FRK: variants seen among roughly 807,000 people sequenced by gnomAD.
FRK encodes tyrosine-protein kinase FRK.
In FRK, 51 loss-of-function variants were observed where a neutral mutation model predicts 56.4. That is an observed-to-expected ratio of 0.90 (90% confidence interval 0.72 to 1.14). The LOEUF is 1.14. Ranked by LOEUF, FRK falls within the 50% of genes most tolerant of loss-of-function variation. The pLI, the probability that FRK is intolerant of heterozygous loss-of-function variation, is 0.00. For synonymous variants in FRK, 245 were observed against 217.9 expected (o/e 1.12, Z -1.10); for missense variants, 570 against 601.4 (o/e 0.95, Z 0.55).
At chr6:115,965,192 C>T (rs1432014461) in intron 4 of FRK, among the ~76,000 whole-genome samples, 1 of 143,652 alleles carries the variant, frequency 7.0e-6, no homozygotes, top group Non-Finnish European at 1.5e-5. Context: ...TGAACTCAAA[C>T]AAATTTACAA....
At position 115,971,709 on chromosome 6, in the gene FRK, T is replaced by G. The variant is rs566460568; in HGVS notation, c.467-2970A>C. 6.6e-5 allele frequency among the ~76,000 whole-genome samples: 10 copies of G among 152,236 alleles called. No homozygotes were observed. The South Asian group carries it at 1.9e-3, about 28-fold the overall frequency. On this transcript the variant is annotated intron_variant, in intron 2 of 7. Transcript: ENST00000606080. The stretch of plus-strand genomic sequence containing the variant: ...TCTCAATTCAAGCCTAGATGCCCAG[T>G]CCCAGATGATAACCAAAACACTCTA...
At chr6:116,092,902 C>A in the FRK span, among the ~76,000 whole-genome samples, 32 of 152,140 alleles carry the variant, frequency 2.1e-4, no homozygotes, top group African/African-American at 7.5e-4. Context: ...GACCCACAAA[C>A]CCTGAAAAAG....
At position 115,993,923 on chromosome 6, in the gene FRK, G is replaced by A. The variant is rs191493314; in HGVS notation, c.466+9954C>T. ...AATTTCATAGAATTTGTGCTTTCTT[G>A]TATTCTGAGATTTCAAATCAAATGA... On this transcript the variant is annotated intron_variant, in intron 2 of 7. Transcript: ENST00000606080. 1.2e-4 allele frequency among the ~76,000 whole-genome samples: 18 copies of A among 151,884 alleles called. No individual in the cohort carries two copies. The East Asian group carries it at 3.3e-3, about 28-fold the overall frequency.
intron 4 of FRK, among the ~76,000 whole-genome samples, chr6:115,958,630 A>AAAAGG (rs1773112676): frequency 7.2e-5 from 1 of 13,820 alleles, no homozygotes; most frequent in South Asian, 0.026. Flanking sequence ...TCTGTCTCAA[A>AAAAGG]AAAGGAAAGA....
chr6:116,039,598 G>T, intron 1 of FRK: 1 of 783,512 alleles, frequency 1.3e-6, no homozygotes, highest in Admixed American at 1.7e-5. Context: ...GGTGTCATCT[G>T]CCCCCTCTTG....
intron 2 of FRK, among the ~76,000 whole-genome samples, chr6:115,972,983 T>C (rs1046006082): frequency 6.6e-6 from 1 of 152,234 alleles, no homozygotes; most frequent in African/African-American, 2.4e-5. Flanking sequence ...TATTATGTCA[T>C]CTGTGTTCAG....
intron 1 of FRK, among the ~76,000 whole-genome samples, chr6:116,004,903 G>C (rs1180051740): frequency 6.6e-6 from 1 of 151,946 alleles, no homozygotes; most frequent in East Asian, 1.9e-4. Context: ...AAAGATTTTA[G>C]GTAAAACATT....
intron 1 of FRK, among the ~76,000 whole-genome samples, chr6:116,026,602 C>A (rs374131278): frequency 6.6e-6 from 1 of 151,582 alleles, no homozygotes; most frequent in Admixed American, 6.6e-5. Flanking sequence ...CACCCACCTG[C>A]CCACCCACCA....
At chr6:116,035,945 C>T (rs143375331) in intron 1 of FRK, among the ~76,000 whole-genome samples, 1 of 152,056 alleles carries the variant, frequency 6.6e-6, no homozygotes, top group African/African-American at 2.4e-5. Flanking sequence ...CCTTCTTTTC[C>T]TCCATCCTGT....
intron 2 of FRK, among the ~76,000 whole-genome samples, chr6:115,998,938 T>C (rs145354385): frequency 3.3e-5 from 5 of 152,322 alleles, no homozygotes; most frequent in Non-Finnish European, 7.4e-5. Flanking sequence ...AAAGCTCTAC[T>C]ACTCTGTAGG....
chr6:116,018,718 C>A (rs1016050437), intron 1 of FRK, among the ~76,000 whole-genome samples: 1 of 152,040 alleles, frequency 6.6e-6, no homozygotes, highest in Admixed American at 6.6e-5. Context: ...AAGCATATTG[C>A]AATTAAATAA....
At chr6:115,954,086 T>C (rs1233284616) in intron 5 of FRK, among the ~76,000 whole-genome samples, 1 of 152,038 alleles carries the variant, frequency 6.6e-6, no homozygotes, top group Non-Finnish European at 1.5e-5. Flanking sequence ...GATGGAAACA[T>C]GTAAGTAGAG....
chr6:116,052,167 G>A (rs1485725499), intron 1 of FRK, among the ~76,000 whole-genome samples: 1 of 152,060 alleles, frequency 6.6e-6, no homozygotes, highest in East Asian at 1.9e-4. Context: ...TATTTGAATT[G>A]GTCTACGACT....
rs148226628 is a variant in FRK, at chr6:115,956,848, G to A, written c.800-238C>T. Among the ~76,000 whole-genome samples the A allele has an allele frequency of 1.7e-4, 26 of 152,280 alleles. No individual in the cohort carries two copies. In the East Asian group the frequency reaches 3.5e-3, roughly 20 times the overall value. The stretch of plus-strand genomic sequence containing the variant: ...TGTTATGACCTGTAGGTGAAGAGAG[G>A]TTGATTCAGATCTACATGAAAAATG... On this transcript the variant is annotated intron_variant, in intron 4 of 7. Coordinates refer to ENST00000606080, the MANE Select transcript of FRK (RefSeq NM_002031.3).
the FRK span, among the ~76,000 whole-genome samples, chr6:116,084,266 A>G: frequency 6.6e-6 from 1 of 152,368 alleles, no homozygotes; most frequent in South Asian, 2.1e-4. Context: ...ACCAATGTGT[A>G]TAAGTATTGC....
intron 2 of FRK, among the ~76,000 whole-genome samples, chr6:115,981,620 C>T (rs569446586): frequency 5.5e-4 from 84 of 152,208 alleles, no homozygotes; most frequent in Non-Finnish European, 1.0e-3. Context: ...CTCAATTCCT[C>T]TTCTCTTTTT....
intron 1 of FRK, among the ~76,000 whole-genome samples, chr6:116,049,686 TG>T (rs1214964267): frequency 1.3e-5 from 2 of 152,154 alleles, no homozygotes; most frequent in East Asian, 3.9e-4. Context: ...CATCTGCAAA[TG>T]GGGGTAATAA....
chr6:116,007,274 C>A (rs1477825507), intron 1 of FRK, among the ~76,000 whole-genome samples: 1 of 152,174 alleles, frequency 6.6e-6, no homozygotes. Flanking sequence ...TGGGACAAAC[C>A]CTTCAATGGA....
intron 1 of FRK, among the ~76,000 whole-genome samples, chr6:116,045,437 A>G (rs561728697): frequency 5.9e-5 from 9 of 152,344 alleles, no homozygotes; most frequent in African/African-American, 1.9e-4. Flanking sequence ...CCACACATCT[A>G]CAAACATCTG....
Sources: gnomAD v4.1 joint callset for allele counts (sites outside exome capture counted in the v4.1 genomes callset) on GRCh38, gnomAD v4.1.1 for gene constraint, MANE v1.5 for transcripts, NCBI Gene and HGNC (gene_info 2026-07-23, HGNC 2026-07-21) for gene names.